BRAF: variants seen among roughly 807,000 people sequenced by gnomAD.
The protein encoded by BRAF is serine/threonine-protein kinase B-raf.
In BRAF, 16 loss-of-function variants were observed where a neutral mutation model predicts 104.6. That is an observed-to-expected ratio of 0.15 (90% confidence interval 0.10 to 0.23). The LOEUF (loss-of-function observed/expected upper bound fraction) is 0.23, where lower values mean the gene tolerates loss of function less well. Ranked by LOEUF, BRAF falls within the 10% of genes least tolerant of loss-of-function variation. BRAF has a pLI of 1.00. For missense variants in BRAF, 541 were observed against 937.3 expected (o/e 0.58, Z 5.52); for synonymous variants, 310 against 341.6 (o/e 0.91, Z 1.02).
At chr7:140,841,176 C>CA (rs1807924609) in intron 2 of BRAF, among the ~76,000 whole-genome samples, 1 of 151,806 alleles carries the variant, frequency 6.6e-6, no homozygotes, top group Non-Finnish European at 1.5e-5. Flanking sequence ...AAATCAAAAC[C>CA]AAATGAAATA....
At chr7:140,782,372 T>A (rs1800962419) in intron 11 of BRAF, among the ~76,000 whole-genome samples, 1 of 151,986 alleles carries the variant, frequency 6.6e-6, no homozygotes, top group Non-Finnish European at 1.5e-5. Flanking sequence ...AAATTTTAAG[T>A]TAACCTGTGG....
At chr7:140,739,742 A>C (rs2130897877) in intron 18 of BRAF, 70 bp downstream of exon 17, 2 of 1,585,994 alleles carry the variant, frequency 1.3e-6, no homozygotes, top group Non-Finnish European at 8.6e-7. Flanking sequence ...CTGTGTGCCC[A>C]AAAAAGTGCT....
At chr7:140,815,489 A>T (rs1211001719) in intron 3 of BRAF, among the ~76,000 whole-genome samples, 1 of 134,380 alleles carries the variant, frequency 7.4e-6, no homozygotes, top group African/African-American at 2.9e-5. Context: ...AGGCTTGTGC[A>T]ATGGTGCGAC....
intron 3 of BRAF, among the ~76,000 whole-genome samples, chr7:140,814,764 TTA>T (rs1804658370): frequency 7.1e-6 from 1 of 141,754 alleles, no homozygotes; most frequent in African/African-American, 2.7e-5. Flanking sequence ...AACATATATA[TTA>T]TATATAACAT....
In BRAF at chr7:140,733,962, T is replaced by G. The variant is rs1796180531; in HGVS notation, c.2401+655A>C. On this transcript the variant is annotated intron_variant, in intron 19 of 19. Coordinates refer to ENST00000644969, the MANE Select transcript of BRAF (RefSeq NM_001374258.1). ...ATCCGAAGTTAAGACATTTTACTCA[T>G]GTCAAACGTGCCACTCCTCAGCAAT... is the stretch of plus-strand genomic sequence containing the variant. 3.0e-6 allele frequency: 3 copies of G among 1,006,524 alleles called. No homozygotes were observed. The East Asian group carries it at 2.1e-4, about 69-fold the overall frequency. 62.3% of individuals were successfully genotyped at this position (1,006,524 alleles called of 1,614,324 possible).
intron 14 of BRAF, among the ~76,000 whole-genome samples, chr7:140,767,902 G>T (rs912763712): frequency 1.3e-5 from 2 of 152,304 alleles, no homozygotes; most frequent in South Asian, 4.1e-4. Context: ...CTGACACATA[G>T]TAAGTGCATA....
At chr7:140,761,053 TC>T (rs1324447408) in intron 14 of BRAF, among the ~76,000 whole-genome samples, 1 of 151,904 alleles carries the variant, frequency 6.6e-6, no homozygotes, top group African/African-American at 2.4e-5. Flanking sequence ...ACAAAGATAC[TC>T]CTTGAGAAGA....
chr7:140,902,774 A>G (rs1815804750), intron 1 of BRAF, among the ~76,000 whole-genome samples: 1 of 152,240 alleles, frequency 6.6e-6, no homozygotes, highest in African/African-American at 2.4e-5. Flanking sequence ...AAGAATTAAA[A>G]GAAAAATAGT....
Position 140,800,414 on chromosome 7 carries a change from T to A in BRAF, c.928A>T (p.Thr310Ser), listed in dbSNP as rs757243267. The change falls in exon 7 of 20, where the codon ACT (threonine) becomes TCT (serine). Residue 310 changes from threonine to serine, a missense_variant. Physicochemically the swap from Thr to Ser is moderately conservative, Grantham distance 58. Coordinates refer to ENST00000644969, the MANE Select transcript of BRAF (RefSeq NM_001374258.1). ...GGGGATGATCCAGATGTTAGGGCAG[T>A]CTCTGCTAAGGACGCCTCTTCCTGT... The part of the protein sequence containing the change: ...IPQEEASLAE[T>S]ALTSGSSPSA... The A allele has an allele frequency of 4.3e-6, 7 of 1,614,074 alleles. No homozygotes were observed. The highest frequency in any genetic ancestry group is 3.3e-5 in the South Asian group (3 of 91,088).
At chr7:140,896,426 C>T (rs1814903803) in intron 1 of BRAF, among the ~76,000 whole-genome samples, 1 of 151,964 alleles carries the variant, frequency 6.6e-6, no homozygotes. Flanking sequence ...AACTATAAAC[C>T]TTTTAAGGAA....
intron 1 of BRAF, among the ~76,000 whole-genome samples, chr7:140,874,326 C>G (rs564220823): frequency 3.6e-4 from 55 of 151,540 alleles, no homozygotes; most frequent in Non-Finnish European, 6.3e-4. Context: ...CTCAGCCTCC[C>G]GGGTAGCTGG....
intron 2 of BRAF, among the ~76,000 whole-genome samples, chr7:140,847,927 T>C (rs1047860391): frequency 6.6e-6 from 1 of 152,206 alleles, no homozygotes; most frequent in Admixed American, 6.5e-5. Flanking sequence ...GCATACTACA[T>C]ACACATAATA....
At chr7:140,765,709 T>C (rs1262090210) in intron 14 of BRAF, among the ~76,000 whole-genome samples, 1 of 152,152 alleles carries the variant, frequency 6.6e-6, no homozygotes, top group Non-Finnish European at 1.5e-5. Context: ...ATGCTCATCA[T>C]CACTGGCCAT....
chr7:140,883,753 T>C (rs1251294968), intron 1 of BRAF, among the ~76,000 whole-genome samples: 1 of 152,234 alleles, frequency 6.6e-6, no homozygotes, highest in Admixed American at 6.5e-5. Flanking sequence ...CCAGTATGTA[T>C]GTGCTGTGTA....
At chr7:140,800,742 TA>T (rs71645953) in intron 6 of BRAF, among the ~76,000 whole-genome samples, 46 of 152,334 alleles carry the variant, frequency 3.0e-4, no homozygotes, top group African/African-American at 1.1e-3. Flanking sequence ...GCTTTATGGT[TA>T]AAGAATGAGA....
Position 140,808,893 on chromosome 7 carries a change from C to T in BRAF, c.607G>A (p.Gly203Arg). 1.2e-6 allele frequency: 2 copies of T among 1,609,020 alleles called. No homozygotes were observed. Among genetic ancestry groups the T allele is most frequent in the Non-Finnish European group, 1.7e-6 (2 of 1,177,114 alleles). The stretch of plus-strand genomic sequence containing the variant: ...TTTCACGTCACATACAAACCATACC[C>T]ATCCTGAATTCTGTAAACAGCACAG... The part of the protein sequence containing the change: ...ECCAVYRIQD[G>R]EKKPIGWDTD... Residue 203 changes from glycine (G) to arginine (R), a missense_variant and splice_region_variant, in exon 4 of 20, where the codon GGA becomes AGA. Gly to Arg is a moderately radical substitution (Grantham distance 125, BLOSUM62 -2). Transcript: ENST00000644969.
chr7:140,876,931 A>G (rs766267304), intron 1 of BRAF, among the ~76,000 whole-genome samples: 7 of 152,142 alleles, frequency 4.6e-5, no homozygotes, highest in Non-Finnish European at 1.0e-4. Flanking sequence ...AAAAACCACA[A>G]ACGTTTGTTC....
At chr7:140,895,907 G>GTACTGAC (rs1814834566) in intron 1 of BRAF, among the ~76,000 whole-genome samples, 1 of 152,072 alleles carries the variant, frequency 6.6e-6, no homozygotes, top group East Asian at 1.9e-4. Flanking sequence ...TCTCTTCGAC[G>GTACTGAC]TACTGACTTC....
At chr7:140,805,476 C>T (rs1243023540) in intron 5 of BRAF, among the ~76,000 whole-genome samples, 1 of 151,848 alleles carries the variant, frequency 6.6e-6, no homozygotes, top group Non-Finnish European at 1.5e-5. Context: ...GCAATATATG[C>T]CTGTATCTGT....
Sources: allele counts gnomAD v4.1 joint callset (sites outside exome capture counted in the v4.1 genomes callset), GRCh38; gene constraint gnomAD v4.1.1; transcripts MANE v1.5; gene names NCBI Gene and HGNC (gene_info 2026-07-23, HGNC 2026-07-21).